Variants in BRD4 observed in about 807,000 individuals in gnomAD.
BRD4 encodes the protein bromodomain containing 4.
Under a neutral mutation model 142.1 loss-of-function variants are expected in BRD4, and 16 were observed. The observed-to-expected ratio is 0.11, with a 90% CI of 0.08 to 0.17. The LOEUF (loss-of-function observed/expected upper bound fraction) is 0.17, where lower values mean the gene tolerates loss of function less well. Among genes scored for constraint, BRD4 ranks in the 10% least tolerant of loss-of-function variants. The pLI, the probability that BRD4 is intolerant of heterozygous loss-of-function variation, is 1.00. For missense variants in BRD4, 1,424 were observed against 1,810.9 expected (o/e 0.79, Z 3.88); for synonymous variants, 833 against 707.5 (o/e 1.18, Z -2.82).
chr19:15,253,435 TG>T, intron 11 of BRD4: 1 of 915,586 alleles, frequency 1.1e-6, no homozygotes, highest in Non-Finnish European at 1.6e-6. Context: ...GCTCAGAAGG[TG>T]GGCTCTAATG....
intron 1 of BRD4, among the ~76,000 whole-genome samples, chr19:15,288,622 T>C (rs540129412): frequency 6.6e-6 from 1 of 152,322 alleles, no homozygotes; most frequent in East Asian, 1.9e-4. Flanking sequence ...CAGTCTTCCC[T>C]TGTTTTTACC....
Position 15,300,536 on chromosome 19 carries a change from T to C in BRD4, c.-34-27403A>G, listed in dbSNP as rs1412696694. Among the ~76,000 whole-genome samples the C allele has an allele frequency of 2.6e-5, 4 of 151,660 alleles. No individual in the cohort carries two copies. The South Asian group carries it at 6.2e-4, about 24-fold the overall frequency. On this transcript the variant is annotated intron_variant, in intron 1 of 19. Coordinates refer to ENST00000679869, the MANE Select transcript of BRD4 (RefSeq NM_001379291.1). ...TGCCACTGCACTCCAGCCTGGGTGA[T>C]AGTGGGAGACTCCATCTTAACAAAA...
intron 7 of BRD4, among the ~76,000 whole-genome samples, chr19:15,261,119 C>T (rs1399971770): frequency 2.0e-5 from 3 of 152,140 alleles, no homozygotes; most frequent in Non-Finnish European, 2.9e-5. Flanking sequence ...AGAGAGGGAG[C>T]GGTGGAGGAG....
intron 1 of BRD4, among the ~76,000 whole-genome samples, chr19:15,330,456 G>A (rs1253119582): frequency 6.6e-6 from 1 of 152,116 alleles, no homozygotes; most frequent in Non-Finnish European, 1.5e-5. Flanking sequence ...AAATTAAACC[G>A]AAATAAATGC....
At chr19:15,303,585 C>T (rs1028634968) in intron 1 of BRD4, among the ~76,000 whole-genome samples, 1 of 152,104 alleles carries the variant, frequency 6.6e-6, no homozygotes, top group African/African-American at 2.4e-5. Flanking sequence ...AAATGCAATA[C>T]AACAATACAA....
intron 10 of BRD4, 93 bp downstream of exon 10, chr19:15,255,204 G>GA (rs1348024472): frequency 1.6e-6 from 2 of 1,273,288 alleles, no homozygotes; most frequent in Non-Finnish European, 2.1e-6. Flanking sequence ...AAAAAAGGGG[G>GA]GGGGCGCAGA....
intron 1 of BRD4, among the ~76,000 whole-genome samples, chr19:15,328,820 C>T (rs2048131995): frequency 6.6e-6 from 1 of 152,232 alleles, no homozygotes; most frequent in South Asian, 2.1e-4. Flanking sequence ...ATTGACCAGA[C>T]TGGAGTGCAA....
At chr19:15,279,461 C>CA (rs1463294410) in intron 1 of BRD4, among the ~76,000 whole-genome samples, 1 of 152,216 alleles carries the variant, frequency 6.6e-6, no homozygotes, top group Non-Finnish European at 1.5e-5. Context: ...TCCATCAAGT[C>CA]ATAGTTCTCT....
chr19:15,293,124 AAAAT>A (rs1216647651), intron 1 of BRD4, among the ~76,000 whole-genome samples: 13 of 152,302 alleles, frequency 8.5e-5, no homozygotes, highest in East Asian at 7.7e-4. Context: ...CTGAAAGAAA[AAAAT>A]AAATAAATAA....
intron 1 of BRD4, among the ~76,000 whole-genome samples, chr19:15,299,750 C>T (rs2047852497): frequency 6.6e-6 from 1 of 152,210 alleles, no homozygotes; most frequent in African/African-American, 2.4e-5. Flanking sequence ...CATTAACCAG[C>T]TGGCTTCACT....
chr19:15,295,110 G>C (rs1239161868), intron 1 of BRD4, among the ~76,000 whole-genome samples: 1 of 152,174 alleles, frequency 6.6e-6, no homozygotes, highest in Non-Finnish European at 1.5e-5. Flanking sequence ...TTGAACCTCT[G>C]CCCATCCCAG....
chr19:15,276,192 C>A (rs2047644736), intron 1 of BRD4, among the ~76,000 whole-genome samples: 1 of 152,136 alleles, frequency 6.6e-6, no homozygotes, highest in African/African-American at 2.4e-5. Context: ...TTCAAGAGCC[C>A]ACTCTTACTG....
Position 15,237,227 on chromosome 19 carries a change from A to G in BRD4, c.*1150T>C. ...TCAACAGATCTGACATTAAAAAACA[A>G]AAAAGCCAACAAATGGGTGGGGGGG... On this transcript the variant is annotated 3_prime_UTR_variant, in exon 20 of 20. Transcript: ENST00000679869. 1 of 113,420 alleles carries G rather than the reference A, an allele frequency of 8.8e-6. No homozygotes were observed. The highest frequency in any genetic ancestry group is 1.7e-5 in the Non-Finnish European group (1 of 59,988). 7.0% of individuals were successfully genotyped at this position (113,420 alleles called of 1,614,324 possible). A position where few individuals can be genotyped will look rare whatever the true frequency, so the allele number is the denominator to read the frequency against.
rs1163508827 is a variant in BRD4, at chr19:15,238,554, A to G, written c.4021-109T>C. 34 of 1,570,090 alleles carry G rather than the reference A, an allele frequency of 2.2e-5. No homozygotes were observed. The highest frequency in any genetic ancestry group is 2.8e-5 in the Non-Finnish European group (33 of 1,158,500). ...AGCCCCGTAGCCCTCCCCGTGGCTG[A>G]CCCCTCATAGCGCTCACCCCGTCCA... is the stretch of plus-strand genomic sequence containing the variant. On this transcript the variant is annotated intron_variant, in intron 19 of 19. Coordinates refer to ENST00000679869, the MANE Select transcript of BRD4 (RefSeq NM_001379291.1). This position sits in a 1 kb window ranked among gnomAD's most constrained non-coding sequence, Gnocchi z 7.2.
At chr19:15,267,965 C>A (rs1391799370) in intron 3 of BRD4, among the ~76,000 whole-genome samples, 1 of 152,186 alleles carries the variant, frequency 6.6e-6, no homozygotes, top group Non-Finnish European at 1.5e-5. Context: ...AACGTACCCC[C>A]ATGGCAGCTC....
At chr19:15,267,934 AG>A (rs2047552044) in intron 3 of BRD4, among the ~76,000 whole-genome samples, 1 of 152,192 alleles carries the variant, frequency 6.6e-6, no homozygotes, top group Non-Finnish European at 1.5e-5. Flanking sequence ...ATACATTAGC[AG>A]GGCCCCAGCA....
intron 11 of BRD4, chr19:15,253,321 T>C (rs2047367732): frequency 3.5e-6 from 2 of 574,324 alleles, no homozygotes. Context: ...TCTGCGCCCC[T>C]GAGAATAATG....
intron 1 of BRD4, among the ~76,000 whole-genome samples, chr19:15,285,125 G>A (rs900950694): frequency 2.0e-5 from 3 of 152,200 alleles, no homozygotes; most frequent in Non-Finnish European, 2.9e-5. Context: ...GCAGACTCAA[G>A]AGTCCATCAC....
At chr19:15,287,832 C>T (rs963907171) in intron 1 of BRD4, among the ~76,000 whole-genome samples, 10 of 151,592 alleles carry the variant, frequency 6.6e-5, no homozygotes, top group African/African-American at 2.4e-4. Flanking sequence ...TGCAGTGGTA[C>T]GATCTAGGCT....
Sources: gnomAD v4.1 joint callset for allele counts (sites outside exome capture counted in the v4.1 genomes callset) on GRCh38, gnomAD v4.1.1 for gene constraint, Gnocchi (gnomAD v3.1) non-coding constraint, MANE v1.5 for transcripts, NCBI Gene and HGNC (gene_info 2026-07-23, HGNC 2026-07-21) for gene names.